The following UNC5C variants were observed in gnomAD, a reference collection of about 807,000 sequenced individuals.
The protein encoded by UNC5C is netrin receptor UNC5C.
UNC5C carries 47 observed loss-of-function variants against 99.8 expected under a neutral mutation model. The observed-to-expected ratio is 0.47, with a 90% CI of 0.37 to 0.60. The LOEUF (loss-of-function observed/expected upper bound fraction) is 0.60, where lower values mean the gene tolerates loss of function less well. Ranked by LOEUF, UNC5C falls within the 20% of genes least tolerant of loss-of-function variation. The pLI, the probability that UNC5C is intolerant of heterozygous loss-of-function variation, is 0.00. For missense variants in UNC5C, 1,062 were observed against 1,165.9 expected (o/e 0.91, Z 1.30); for synonymous variants, 487 against 452.2 (o/e 1.08, Z -0.98).
intron 4 of UNC5C, among the ~76,000 whole-genome samples, chr4:95,259,508 C>A (rs548296995): frequency 6.6e-6 from 1 of 152,238 alleles, no homozygotes; most frequent in African/African-American, 2.4e-5. Context: ...TATAACTCTT[C>A]AAGATTGCAC....
At chr4:95,205,309 T>C (rs1384197258) in intron 11 of UNC5C, among the ~76,000 whole-genome samples, 3 of 152,210 alleles carry the variant, frequency 2.0e-5, no homozygotes, top group Non-Finnish European at 4.4e-5. Flanking sequence ...ACGGGATGTT[T>C]TTCAGATACA....
chr4:95,523,747 G>A (rs571015866), intron 1 of UNC5C, among the ~76,000 whole-genome samples: 12 of 152,184 alleles, frequency 7.9e-5, no homozygotes, highest in South Asian at 4.2e-4. Flanking sequence ...ACATGTAAAC[G>A]TAGTCACTTA....
At chr4:95,513,530 A>C (rs1187580220) in intron 1 of UNC5C, among the ~76,000 whole-genome samples, 1 of 152,322 alleles carries the variant, frequency 6.6e-6, no homozygotes, top group African/African-American at 2.4e-5. Flanking sequence ...TTTTCTTAGT[A>C]AATCATATTA....
intron 1 of UNC5C, among the ~76,000 whole-genome samples, chr4:95,532,955 C>G (rs1193597858): frequency 6.6e-6 from 1 of 150,816 alleles, no homozygotes; most frequent in Non-Finnish European, 1.5e-5. Flanking sequence ...CTGATGGTGT[C>G]TCTTAGAATT....
chr4:95,488,496 T>A (rs72876450), intron 1 of UNC5C, among the ~76,000 whole-genome samples: 4,361 of 151,840 alleles, frequency 0.029, 217 homozygotes, highest in African/African-American at 0.098. Context: ...GAGAACTGGT[T>A]CTTTAACAGG....
chr4:95,261,663 A>G (rs550936909), intron 4 of UNC5C, among the ~76,000 whole-genome samples: 2 of 151,918 alleles, frequency 1.3e-5, no homozygotes, highest in African/African-American at 4.8e-5. Context: ...AAACAAAAAT[A>G]TTTTTAAGGG....
intron 1 of UNC5C, among the ~76,000 whole-genome samples, chr4:95,353,697 G>T (rs1378411268): frequency 6.6e-6 from 1 of 151,306 alleles, no homozygotes; most frequent in Non-Finnish European, 1.5e-5. Flanking sequence ...AAGAATATTT[G>T]GTTTATTTAA....
intron 1 of UNC5C, among the ~76,000 whole-genome samples, chr4:95,458,490 T>G (rs946419029): frequency 6.6e-6 from 1 of 152,082 alleles, no homozygotes; most frequent in African/African-American, 2.4e-5. Context: ...CTCTTTTTTC[T>G]TTCAAAAATT....
At chr4:95,270,375 A>C (rs189707049) in intron 4 of UNC5C, among the ~76,000 whole-genome samples, 1 of 152,300 alleles carries the variant, frequency 6.6e-6, no homozygotes, top group Non-Finnish European at 1.5e-5. Context: ...TGCTTTAAAA[A>C]AAATGTTGGT....
chr4:95,491,564 A>G (rs1335527249), intron 1 of UNC5C, among the ~76,000 whole-genome samples: 4 of 151,674 alleles, frequency 2.6e-5, no homozygotes, highest in Non-Finnish European at 5.9e-5. Flanking sequence ...CACAAGGAAC[A>G]GATATCCAAA....
At chr4:95,351,350 G>A (rs1455092975) in intron 1 of UNC5C, among the ~76,000 whole-genome samples, 2 of 144,044 alleles carry the variant, frequency 1.4e-5, no homozygotes, top group South Asian at 4.4e-4. Flanking sequence ...TTTTTAATTT[G>A]CATTGTGGTT....
intron 1 of UNC5C, among the ~76,000 whole-genome samples, chr4:95,491,680 A>T (rs1030503094): frequency 6.6e-6 from 1 of 151,656 alleles, no homozygotes; most frequent in African/African-American, 2.4e-5. Context: ...TTTGAAAATT[A>T]TGAAGCAATA....
intron 1 of UNC5C, among the ~76,000 whole-genome samples, chr4:95,358,220 A>G (rs1744277051): frequency 1.3e-5 from 2 of 152,216 alleles, no homozygotes; most frequent in African/African-American, 4.8e-5. Flanking sequence ...TGCAGTTTCT[A>G]CCTTTAGCTT....
chr4:95,224,772 A>G (rs2149370293), intron 7 of UNC5C, among the ~76,000 whole-genome samples: 1 of 152,312 alleles, frequency 6.6e-6, no homozygotes, highest in Admixed American at 6.5e-5. Context: ...AAATAGTAAA[A>G]AAGTTCTTTT....
chr4:95,548,621 A>C (rs1353428841), intron 1 of UNC5C, 113 bp downstream of exon 1: 39 of 1,324,232 alleles, frequency 2.9e-5, no homozygotes, highest in Non-Finnish European at 3.9e-5. Context: ...AGTGGTTTCC[A>C]GTTGAAAGCA....
intron 1 of UNC5C, among the ~76,000 whole-genome samples, chr4:95,499,586 T>G (rs1721721597): frequency 6.6e-6 from 1 of 152,068 alleles, no homozygotes; most frequent in African/African-American, 2.4e-5. Flanking sequence ...AATAATGGAT[T>G]TACTTACCTA....
chr4:95,193,993 C>G (rs1579218686), intron 12 of UNC5C, among the ~76,000 whole-genome samples: 1 of 152,178 alleles, frequency 6.6e-6, no homozygotes, highest in Non-Finnish European at 1.5e-5. Context: ...CTAATAATAA[C>G]AAGGCTGGAC....
intron 1 of UNC5C, among the ~76,000 whole-genome samples, chr4:95,397,253 T>G (rs1311816789): frequency 6.6e-6 from 1 of 152,198 alleles, no homozygotes; most frequent in Non-Finnish European, 1.5e-5. Flanking sequence ...AAAATATAAG[T>G]GCTTTACACA....
chr4:95,194,833 C>T (rs945683540), intron 12 of UNC5C, among the ~76,000 whole-genome samples: 1 of 152,182 alleles, frequency 6.6e-6, no homozygotes, highest in Non-Finnish European at 1.5e-5. Context: ...TGTTATTCTG[C>T]ATACCACAAC....
Sources: gnomAD v4.1 joint callset for allele counts (sites outside exome capture counted in the v4.1 genomes callset) on GRCh38, gnomAD v4.1.1 for gene constraint, MANE v1.5 for transcripts, NCBI Gene and HGNC (gene_info 2026-07-23, HGNC 2026-07-21) for gene names.